KIAA1217: variants seen among roughly 807,000 people sequenced by gnomAD.
The protein encoded by KIAA1217 is KIAA1217.
A neutral mutation model predicts 163.9 loss-of-function variants in KIAA1217; 88 were observed. That is an observed-to-expected ratio of 0.54 (90% CI 0.45 to 0.64). KIAA1217 has a LOEUF of 0.64. Ranked by LOEUF, KIAA1217 falls within the 30% of genes least tolerant of loss-of-function variation. KIAA1217 has a pLI of 0.00. For missense variants in KIAA1217, 2,372 were observed against 2,475.0 expected, an observed-to-expected ratio of 0.96 and a Z score of 0.88; for synonymous variants, 903 against 923.1, an observed-to-expected ratio of 0.98 and a Z score of 0.39.
chr10:24,164,811 G>C (rs2065271645), intron 2 of KIAA1217, among the ~76,000 whole-genome samples: 1 of 152,258 alleles, frequency 6.6e-6, no homozygotes, highest in African/African-American at 2.4e-5. Context: ...AGAACCAGTT[G>C]TGCCCCAGGA....
chr10:24,100,746 C>T (rs1369828056), intron 2 of KIAA1217, among the ~76,000 whole-genome samples: 3 of 152,190 alleles, frequency 2.0e-5, no homozygotes, highest in African/African-American at 2.4e-5. Context: ...TCTAGTATGA[C>T]TGCAGTTTTT....
At chr10:24,535,620 C>T (rs2073886161) in intron 16 of KIAA1217, among the ~76,000 whole-genome samples, 1 of 151,906 alleles carries the variant, frequency 6.6e-6, no homozygotes, top group Non-Finnish European at 1.5e-5. Context: ...ACTAAAACTA[C>T]AAAAAAATCA....
intron 2 of KIAA1217, among the ~76,000 whole-genome samples, chr10:24,106,665 G>A (rs2062642402): frequency 6.6e-6 from 1 of 152,090 alleles, no homozygotes; most frequent in Non-Finnish European, 1.5e-5. Context: ...GGAGGTCATT[G>A]AGTATCCCAG....
intron 1 of KIAA1217, among the ~76,000 whole-genome samples, chr10:23,901,914 A>C (rs1841973617): frequency 1.6e-5 from 1 of 61,394 alleles, no homozygotes; most frequent in East Asian, 2.6e-4. Context: ...ACTCTATCTC[A>C]AAAAAAAAAA....
chr10:24,532,986 C>A, intron 15 of KIAA1217, 84 bp from the exon 16 acceptor site: 1 of 1,246,502 alleles, frequency 8.0e-7, no homozygotes, highest in Non-Finnish European at 1.1e-6. Flanking sequence ...GTGTTCTAGA[C>A]AGTGAGGGAC....
intron 1 of KIAA1217, among the ~76,000 whole-genome samples, chr10:23,851,880 T>C (rs890248229): frequency 1.3e-5 from 2 of 152,176 alleles, no homozygotes; most frequent in African/African-American, 2.4e-5. Context: ...TTCTTGTAAA[T>C]TTGTTTGAGT....
At chr10:24,284,803 A>T (rs1449558331) in intron 2 of KIAA1217, among the ~76,000 whole-genome samples, 2 of 152,204 alleles carry the variant, frequency 1.3e-5, no homozygotes, top group African/African-American at 4.8e-5. Flanking sequence ...TTAGTTCTTT[A>T]TGAAATCTCC....
intron 2 of KIAA1217, among the ~76,000 whole-genome samples, chr10:24,044,243 G>A (rs1848825508): frequency 6.6e-6 from 1 of 152,154 alleles, no homozygotes; most frequent in Non-Finnish European, 1.5e-5. Flanking sequence ...CTCTTTCTAA[G>A]ATAGCTCTGT....
At chr10:24,057,559 A>G (rs2060572606) in intron 2 of KIAA1217, among the ~76,000 whole-genome samples, 1 of 152,224 alleles carries the variant, frequency 6.6e-6, no homozygotes, top group Middle Eastern at 3.2e-3. Flanking sequence ...TTCACTTAGC[A>G]TAATGTCCTC....
At position 23,758,238 on chromosome 10, in the gene KIAA1217, T is replaced by G. The variant is rs566349508; in HGVS notation, c.-321+63004T>G. ...ATTTTAAGTTAATTTTTGTACATAG[T>G]GTTAGATAAGGGTCCAATTTCATTC... On this transcript the variant is annotated intron_variant, in intron 1 of 18. Transcript: ENST00000376462. 1.7e-3 allele frequency among the ~76,000 whole-genome samples: 256 copies of G among 152,356 alleles called. 1 individual carries two copies. Among genetic ancestry groups the G allele is most frequent in the South Asian group, 3.1e-3 (15 of 4,828 alleles).
At chr10:23,801,016 A>C (rs915515472) in intron 1 of KIAA1217, among the ~76,000 whole-genome samples, 3 of 152,182 alleles carry the variant, frequency 2.0e-5, no homozygotes, top group South Asian at 4.1e-4. Flanking sequence ...CTATAAAGAC[A>C]CATGTACATG....
chr10:23,992,910 C>A (rs562094635), intron 1 of KIAA1217, among the ~76,000 whole-genome samples: 1 of 151,736 alleles, frequency 6.6e-6, no homozygotes, highest in African/African-American at 2.4e-5. Flanking sequence ...ACCAACACTG[C>A]GGGACAATGG....
At chr10:24,099,569 T>TTATATATATATATATATATATATA (rs529207171) in intron 2 of KIAA1217, among the ~76,000 whole-genome samples, 1 of 144,194 alleles carries the variant, frequency 6.9e-6, no homozygotes, top group East Asian at 2.0e-4. Context: ...CACATTTTCT[T>TTATATATATATATATATATATATA]TATATATATA....
At chr10:24,303,211 T>A (rs551893069) in intron 2 of KIAA1217, among the ~76,000 whole-genome samples, 1 of 152,120 alleles carries the variant, frequency 6.6e-6, no homozygotes, top group African/African-American at 2.4e-5. Flanking sequence ...AGACAGGATC[T>A]TGCTGTGATG....
intron 1 of KIAA1217, among the ~76,000 whole-genome samples, chr10:23,944,402 C>A (rs999839541): frequency 2.6e-5 from 4 of 151,108 alleles, no homozygotes; most frequent in African/African-American, 7.3e-5. Context: ...CCAGCCTGGG[C>A]AAAAGAGTGA....
At chr10:24,433,217 C>T (rs371479916) in intron 4 of KIAA1217, 24 bp downstream of exon 4, 2 of 1,576,418 alleles carry the variant, frequency 1.3e-6, no homozygotes, top group African/African-American at 2.7e-5. Flanking sequence ...TCATTTTTTG[C>T]CTGCCATTTT....
At chr10:24,401,767 T>C (rs1203923493) in intron 3 of KIAA1217, among the ~76,000 whole-genome samples, 2 of 152,178 alleles carry the variant, frequency 1.3e-5, no homozygotes, top group Admixed American at 6.5e-5. Context: ...GTTTGGGAAG[T>C]AAGAAATAAA....
At chr10:24,433,272 T>G (rs1317136452) in intron 4 of KIAA1217, 79 bp downstream of exon 4, 30 of 999,512 alleles carry the variant, frequency 3.0e-5, no homozygotes, top group African/African-American at 6.6e-5. Flanking sequence ...TTTTGAGGGG[T>G]TTTTTTTTAC....
At chr10:23,790,493 AT>A (rs1476638918) in intron 1 of KIAA1217, among the ~76,000 whole-genome samples, 2 of 102,488 alleles carry the variant, frequency 2.0e-5, no homozygotes, top group African/African-American at 1.1e-4. Context: ...ATATACATAT[AT>A]ACATGTGCAT....
Sources: gnomAD v4.1 joint callset for allele counts (sites outside exome capture counted in the v4.1 genomes callset) on GRCh38, gnomAD v4.1.1 for gene constraint, MANE v1.5 for transcripts, NCBI Gene and HGNC (gene_info 2026-07-23, HGNC 2026-07-21) for gene names.